Variants in STAG1 observed in about 807,000 individuals in gnomAD.
STAG1 encodes STAG1 cohesin complex component, also known as cohesin subunit SA-1.
In STAG1, 26 loss-of-function variants were observed where a neutral mutation model predicts 170.9. The ratio of observed to expected loss-of-function variants is 0.15; its 90% CI spans 0.11 to 0.21. STAG1 has a LOEUF of 0.21. STAG1 is among the 10% of genes least tolerant of loss of function. STAG1 has a pLI of 1.00. For missense variants in STAG1, 964 were observed against 1,509.5 expected, an observed-to-expected ratio of 0.64 and a Z score of 5.99; for synonymous variants, 514 against 497.7, an observed-to-expected ratio of 1.03 and a Z score of -0.44.
intron 6 of STAG1, among the ~76,000 whole-genome samples, chr3:136,525,827 T>C (rs924317830): frequency 6.6e-6 from 1 of 152,194 alleles, no homozygotes; most frequent in Non-Finnish European, 1.5e-5. Flanking sequence ...AACAACATCT[T>C]TATTTCTGCC....
chr3:136,678,811 G>C (rs1942224725), intron 1 of STAG1, among the ~76,000 whole-genome samples: 1 of 132,316 alleles, frequency 7.6e-6, no homozygotes, highest in Non-Finnish European at 1.5e-5. Flanking sequence ...CCAGGAGTTT[G>C]AGACCAGCAT....
intron 22 of STAG1, among the ~76,000 whole-genome samples, chr3:136,392,388 A>G (rs2087032290): frequency 6.6e-6 from 1 of 152,196 alleles, no homozygotes; most frequent in South Asian, 2.1e-4. Context: ...ACTGAAGAAA[A>G]TATGTTAATT....
At chr3:136,658,085 G>C (rs1041956409) in intron 1 of STAG1, among the ~76,000 whole-genome samples, 18 of 152,124 alleles carry the variant, frequency 1.2e-4, no homozygotes, top group African/African-American at 4.3e-4. Flanking sequence ...CACTTCAGGG[G>C]GGGCTGAGGT....
intron 3 of STAG1, among the ~76,000 whole-genome samples, chr3:136,613,881 G>A (rs113894959): frequency 4.6e-5 from 7 of 152,264 alleles, no homozygotes; most frequent in African/African-American, 1.4e-4. Flanking sequence ...TATGTGCACT[G>A]TCCAACATGG....
At chr3:136,647,857 C>A (rs1208202087) in intron 1 of STAG1, among the ~76,000 whole-genome samples, 1 of 152,126 alleles carries the variant, frequency 6.6e-6, no homozygotes, top group Non-Finnish European at 1.5e-5. Context: ...AGAAAAAAAC[C>A]TTACTATAAT....
chr3:136,518,742 AATTT>A (rs1406267450), intron 7 of STAG1, among the ~76,000 whole-genome samples: 1 of 152,160 alleles, frequency 6.6e-6, no homozygotes, highest in Non-Finnish European at 1.5e-5. Context: ...GTATGTTGTT[AATTT>A]GTTTTTTTGA....
chr3:136,701,769 C>T (rs1943069492), intron 1 of STAG1, among the ~76,000 whole-genome samples: 1 of 152,222 alleles, frequency 6.6e-6, no homozygotes, highest in South Asian at 2.1e-4. Context: ...AATCATTATA[C>T]AAACTCCTTC....
intron 1 of STAG1, among the ~76,000 whole-genome samples, chr3:136,685,699 G>T (rs1942497001): frequency 6.6e-6 from 1 of 152,086 alleles, no homozygotes; most frequent in South Asian, 2.1e-4. Flanking sequence ...ATTATATATT[G>T]TATGATTCCA....
chr3:136,698,673 A>G (rs1485471412), intron 1 of STAG1, among the ~76,000 whole-genome samples: 1 of 152,218 alleles, frequency 6.6e-6, no homozygotes, highest in Non-Finnish European at 1.5e-5. Flanking sequence ...AAAAGGTTAC[A>G]TATCAAATGA....
chr3:136,537,947 C>T lies in STAG1; in HGVS notation c.471+4172G>A, dbSNP rs550950231. ...CTCCTTGCACGCATTCATCTTAGTC[C>T]ACTATAAAAGTAAAGCCATGAAAAT... On this transcript the variant is annotated intron_variant, in intron 6 of 33. Coordinates refer to ENST00000383202, the MANE Select transcript of STAG1 (RefSeq NM_005862.3). 2.6e-5 allele frequency among the ~76,000 whole-genome samples: 4 copies of T among 152,130 alleles called. No individual in the cohort carries two copies. The East Asian group carries it at 7.7e-4, about 29-fold the overall frequency.
At chr3:136,534,384 A>G (rs1052402164) in intron 6 of STAG1, among the ~76,000 whole-genome samples, 1 of 152,210 alleles carries the variant, frequency 6.6e-6, no homozygotes, top group East Asian at 1.9e-4. Flanking sequence ...ACAGACAACA[A>G]AAACAAACAA....
At chr3:136,487,942 C>A (rs945070737) in intron 9 of STAG1, among the ~76,000 whole-genome samples, 1 of 152,176 alleles carries the variant, frequency 6.6e-6, no homozygotes, top group Admixed American at 6.5e-5. Context: ...TGATGAGTAA[C>A]TAGAGCTTTC....
At chr3:136,427,183 C>T (rs2088155337) in intron 16 of STAG1, among the ~76,000 whole-genome samples, 1 of 149,550 alleles carries the variant, frequency 6.7e-6, no homozygotes. Context: ...GAGCCGAGAT[C>T]ACACTACTGC....
chr3:136,349,202 C>T lies in STAG1; in HGVS notation c.3227G>A (p.Arg1076Lys). The T allele has an allele frequency of 6.2e-7, 1 of 1,614,034 alleles. No homozygotes were observed. Among genetic ancestry groups the T allele is most frequent in the Non-Finnish European group, 8.5e-7 (1 of 1,179,968 alleles). Reference sequence around the variant, plus strand: ...AAGTGGAGGTCGTCCTTTCTTATTCCTTACTGATGAGGTTTTGCTGCTGCT... The same window carrying T: ...AAGTGGAGGTCGTCCTTTCTTATTCTTTACTGATGAGGTTTTGCTGCTGCT... ...GSSSSKTSSVRNKKGRPPLHK... is the reference protein window; with the variant it reads ...GSSSSKTSSVKNKKGRPPLHK... The change falls in exon 29 of 34, where the codon AGG becomes AAG. Residue 1076 changes from arginine to lysine, a missense_variant. Around this residue, in one of 11 missense-constraint regions of STAG1, gnomAD observed 122 missense variants for 129.0 expected, o/e 0.95. Coordinates refer to ENST00000383202, the MANE Select transcript of STAG1 (RefSeq NM_005862.3).
chr3:136,547,708 G>A (rs1466134664), intron 5 of STAG1, among the ~76,000 whole-genome samples: 2 of 152,140 alleles, frequency 1.3e-5, no homozygotes, highest in Non-Finnish European at 1.5e-5. Flanking sequence ...TCTATTGTAT[G>A]TATATACTGC....
chr3:136,449,577 GA>G (rs1318621300), intron 14 of STAG1, among the ~76,000 whole-genome samples: 3 of 150,626 alleles, frequency 2.0e-5, no homozygotes, highest in African/African-American at 7.3e-5. Flanking sequence ...AAAAAAGAAG[GA>G]AAAAAAAGGA....
chr3:136,736,298 G>A (rs1447095399), intron 1 of STAG1, among the ~76,000 whole-genome samples: 1 of 152,168 alleles, frequency 6.6e-6, no homozygotes, highest in Non-Finnish European at 1.5e-5. Context: ...GAGAGGGGAA[G>A]GCCTTTTTTT....
chr3:136,600,274 T>C (rs1938606446), intron 4 of STAG1, among the ~76,000 whole-genome samples: 1 of 152,166 alleles, frequency 6.6e-6, no homozygotes, highest in Non-Finnish European at 1.5e-5. Context: ...TATGCAGTAG[T>C]TATTGGCACT....
intron 1 of STAG1, among the ~76,000 whole-genome samples, chr3:136,679,766 G>T: frequency 6.6e-6 from 1 of 151,598 alleles, no homozygotes; most frequent in Non-Finnish European, 1.5e-5. Context: ...GCCGGGCATG[G>T]TGGTGCACGC....
Sources: allele counts gnomAD v4.1 joint callset (sites outside exome capture counted in the v4.1 genomes callset), GRCh38; gene constraint gnomAD v4.1.1; regional missense constraint gnomAD v4.1.1; transcripts MANE v1.5; gene names NCBI Gene and HGNC (gene_info 2026-07-23, HGNC 2026-07-21).